Variants in BACH2 observed in about 807,000 individuals in gnomAD.
BACH2 encodes the protein transcription regulator protein BACH2.
A neutral mutation model predicts 61.8 loss-of-function variants in BACH2; 5 were observed. The ratio of observed to expected loss-of-function variants is 0.08; its 90% CI spans 0.04 to 0.17. The LOEUF (loss-of-function observed/expected upper bound fraction) is 0.17. BACH2 is among the 10% of genes least tolerant of loss of function. The probability of loss-of-function intolerance (pLI) is 1.00; values close to 1 mark genes in which losing one functional copy is unlikely to be tolerated. For synonymous variants in BACH2, 446 were observed against 440.1 expected, an observed-to-expected ratio of 1.01 and a Z score of -0.17; for missense variants, 824 against 1,091.1, an observed-to-expected ratio of 0.76 and a Z score of 3.45.
chr6:90,244,818 C>T (rs1770579663), intron 3 of BACH2, among the ~76,000 whole-genome samples: 1 of 152,204 alleles, frequency 6.6e-6, no homozygotes, highest in Non-Finnish European at 1.5e-5. Flanking sequence ...TTTCTAGCTC[C>T]AAGTGATCTT....
chr6:90,070,822 T>G (rs1461434688), intron 5 of BACH2, among the ~76,000 whole-genome samples: 1 of 152,250 alleles, frequency 6.6e-6, no homozygotes, highest in Non-Finnish European at 1.5e-5. Context: ...GATATCTAAA[T>G]GCAGCTTTTG....
intron 4 of BACH2, among the ~76,000 whole-genome samples, chr6:90,108,386 C>A (rs566817722): frequency 6.6e-6 from 1 of 152,072 alleles, no homozygotes; most frequent in Non-Finnish European, 1.5e-5. Context: ...TCTCAAAAGG[C>A]GAAAAGAGAC....
At chr6:89,947,825 C>A (rs778553764) in intron 7 of BACH2, among the ~76,000 whole-genome samples, 3 of 152,118 alleles carry the variant, frequency 2.0e-5, no homozygotes, top group Non-Finnish European at 4.4e-5. Context: ...CCCGCCTCGG[C>A]CTCCCAAAGT....
intron 1 of BACH2, among the ~76,000 whole-genome samples, chr6:90,289,023 T>C (rs1328291796): frequency 6.6e-6 from 1 of 152,148 alleles, no homozygotes; most frequent in Non-Finnish European, 1.5e-5. Context: ...GATCCCTAAA[T>C]GGACACTAAA....
chr6:90,108,513 G>A (rs1783023219), intron 4 of BACH2, among the ~76,000 whole-genome samples: 1 of 152,170 alleles, frequency 6.6e-6, no homozygotes, highest in Admixed American at 6.5e-5. Context: ...TACTGAAAGT[G>A]AACTACCAAA....
intron 5 of BACH2, among the ~76,000 whole-genome samples, chr6:90,084,066 G>A (rs1350765801): frequency 1.4e-5 from 2 of 141,942 alleles, no homozygotes. Context: ...CTGAAAAAGG[G>A]AAGTGTGGTG....
At chr6:90,030,392 T>A (rs553155840) in intron 5 of BACH2, among the ~76,000 whole-genome samples, 3 of 151,990 alleles carry the variant, frequency 2.0e-5, no homozygotes, top group African/African-American at 7.3e-5. Context: ...AGGTTTCTGA[T>A]TTTCGAATGA....
At chr6:90,168,688 T>C (rs1337399306) in intron 4 of BACH2, among the ~76,000 whole-genome samples, 4 of 152,162 alleles carry the variant, frequency 2.6e-5, no homozygotes, top group Admixed American at 6.5e-5. Context: ...ATAATAACTA[T>C]TTATGTCAGA....
At chr6:90,166,559 A>G (rs1264987465) in intron 4 of BACH2, among the ~76,000 whole-genome samples, 2 of 152,234 alleles carry the variant, frequency 1.3e-5, no homozygotes, top group African/African-American at 2.4e-5. Flanking sequence ...TACTGGGTAT[A>G]TACCCAAAGG....
intron 4 of BACH2, among the ~76,000 whole-genome samples, chr6:90,141,654 C>T (rs1784465250): frequency 6.6e-6 from 1 of 152,092 alleles, no homozygotes. Flanking sequence ...TATATAAACT[C>T]TGAGGAATGT....
intron 4 of BACH2, among the ~76,000 whole-genome samples, chr6:90,153,601 A>T (rs959890172): frequency 1.3e-5 from 2 of 152,176 alleles, no homozygotes; most frequent in African/African-American, 4.8e-5. Context: ...GTGGCAATTA[A>T]GTGAATAGCA....
chr6:90,049,009 G>C (rs894248403), intron 5 of BACH2, among the ~76,000 whole-genome samples: 1 of 152,148 alleles, frequency 6.6e-6, no homozygotes, highest in African/African-American at 2.4e-5. Flanking sequence ...GAACTCAAAA[G>C]TTCCTTTTGT....
chr6:90,143,980 G>A (rs1319234319), intron 4 of BACH2, among the ~76,000 whole-genome samples: 1 of 152,186 alleles, frequency 6.6e-6, no homozygotes, highest in Admixed American at 6.5e-5. Flanking sequence ...TTTGGAGAAA[G>A]GGGCCTGATC....
At chr6:89,964,065 A>G (rs150630287) in intron 6 of BACH2, among the ~76,000 whole-genome samples, 17,619 of 151,710 alleles carry the variant, frequency 0.12, 1,229 homozygotes, top group South Asian at 0.18. Flanking sequence ...GTGGGGTGGG[A>G]GGAGTGGGGA....
At chr6:90,219,271 T>C (rs1769655706) in intron 3 of BACH2, among the ~76,000 whole-genome samples, 1 of 152,268 alleles carries the variant, frequency 6.6e-6, no homozygotes, top group South Asian at 2.1e-4. Flanking sequence ...TGTAACAATC[T>C]GTAATATGAG....
Position 90,008,508 on chromosome 6 carries a change from C to T in BACH2, c.243+94G>A, listed in dbSNP as rs1037782511. 66 of 1,505,546 alleles carry T rather than the reference C, an allele frequency of 4.4e-5. No homozygotes were observed. The highest frequency in any genetic ancestry group is 5.5e-5 in the Non-Finnish European group (61 of 1,104,230). The allele number at this position is 1,505,546 out of a possible 1,614,324, so 93.3% of individuals were successfully genotyped here. A position where few individuals can be genotyped will look rare whatever the true frequency, so the allele number is the denominator to read the frequency against. Reference sequence around the variant, plus strand: ...TTGGACATCAACTCCTGAGTGGGGACATGGCACCTAGTACATCTTCTAGCT... The same window carrying T: ...TTGGACATCAACTCCTGAGTGGGGATATGGCACCTAGTACATCTTCTAGCT... On this transcript the variant is annotated intron_variant, in intron 6 of 8. Transcript: ENST00000257749. The surrounding 1 kb of genome is among the most constrained non-coding windows in gnomAD (Gnocchi z 4.1).
chr6:90,030,185 T>C (rs900619855), intron 5 of BACH2, among the ~76,000 whole-genome samples: 1 of 152,116 alleles, frequency 6.6e-6, no homozygotes, highest in Non-Finnish European at 1.5e-5. Context: ...ACGGCCTATC[T>C]CAAACTGCCA....
intron 2 of BACH2, among the ~76,000 whole-genome samples, chr6:90,254,990 CAATT>C (rs770200236): frequency 3.9e-5 from 6 of 152,154 alleles, no homozygotes; most frequent in Non-Finnish European, 5.9e-5. Context: ...GGTTCTCAAT[CAATT>C]GACTTTTTCA....
At chr6:90,132,438 C>G (rs888055365) in intron 4 of BACH2, among the ~76,000 whole-genome samples, 8 of 152,190 alleles carry the variant, frequency 5.3e-5, no homozygotes, top group Non-Finnish European at 1.2e-4. Context: ...GGCTCCTAGA[C>G]TTGGAGCCTC....
Sources: allele counts gnomAD v4.1 joint callset (sites outside exome capture counted in the v4.1 genomes callset), GRCh38; gene constraint gnomAD v4.1.1; non-coding constraint Gnocchi (gnomAD v3.1); transcripts MANE v1.5; gene names NCBI Gene and HGNC (gene_info 2026-07-23, HGNC 2026-07-21).